NOSIP: variants seen among roughly 807,000 people sequenced by gnomAD.
The protein encoded by NOSIP is nitric oxide synthase-interacting protein.
A neutral mutation model predicts 36.4 loss-of-function variants in NOSIP; 25 were observed. The ratio of observed to expected loss-of-function variants is 0.69; its 90% CI spans 0.50 to 0.96. The LOEUF (loss-of-function observed/expected upper bound fraction) is 0.96, where lower values mean the gene tolerates loss of function less well. Among genes scored for constraint, NOSIP ranks in the 40% least tolerant of loss-of-function variants. The pLI is 0.00. For missense variants in NOSIP, 370 were observed against 429.0 expected (o/e 0.86, Z 1.21); for synonymous variants, 187 against 179.2 (o/e 1.04, Z -0.35).
chr19:49,579,361 CAAA>C (rs1440485634), intron 1 of NOSIP: 2 of 152,068 alleles, frequency 1.3e-5, no homozygotes, highest in African/African-American at 2.4e-5. Context: ...CAGACCAAAC[CAAA>C]ATGGAGACAC....
At chr19:49,577,148 T>C (rs77124124) in intron 1 of NOSIP, among the ~76,000 whole-genome samples, 4,159 of 152,248 alleles carry the variant, frequency 0.027, 200 homozygotes, top group African/African-American at 0.094. Context: ...GGAACCCTTA[T>C]ACATTGGTGG....
chr19:49,561,132 A>G (rs1303245125), intron 1 of NOSIP, among the ~76,000 whole-genome samples: 1 of 152,202 alleles, frequency 6.6e-6, no homozygotes, highest in Non-Finnish European at 1.5e-5. Flanking sequence ...GGACCAGCCC[A>G]GTGATTGGCT....
At chr19:49,559,564 T>C (rs2122793379) in intron 3 of NOSIP, 1 of 208,160 alleles carries the variant, frequency 4.8e-6, no homozygotes, top group South Asian at 7.3e-5. Context: ...CATTAATTAC[T>C]GTCTTCTACA....
chr19:49,576,127 T>C (rs918171036), intron 1 of NOSIP, among the ~76,000 whole-genome samples: 2 of 149,774 alleles, frequency 1.3e-5, no homozygotes, highest in Non-Finnish European at 2.9e-5. Flanking sequence ...AGAGCGAGAC[T>C]CCATCTTATA....
intron 4 of NOSIP, chr19:49,557,451 C>T: frequency 1.4e-6 from 2 of 1,416,104 alleles, no homozygotes; most frequent in Non-Finnish European, 1.8e-6. Context: ...AAGCCCATCT[C>T]TGTCACTCTG....
chr19:49,575,206 C>G (rs1188557697), intron 1 of NOSIP, among the ~76,000 whole-genome samples: 1 of 152,096 alleles, frequency 6.6e-6, no homozygotes, highest in East Asian at 1.9e-4. Flanking sequence ...ACCATGTTGG[C>G]CAGGCTGGTC....
intron 1 of NOSIP, among the ~76,000 whole-genome samples, chr19:49,564,686 G>A (rs947067513): frequency 2.0e-5 from 3 of 152,068 alleles, no homozygotes; most frequent in East Asian, 1.9e-4. Context: ...CGTCTCCCAC[G>A]TATACACCTA....
intron 1 of NOSIP, among the ~76,000 whole-genome samples, chr19:49,572,188 C>T (rs368191756): frequency 1.6e-4 from 24 of 150,034 alleles, no homozygotes; most frequent in African/African-American, 5.1e-4. Flanking sequence ...TCACTGCAAC[C>T]TTCACCTCCC....
intron 3 of NOSIP, chr19:49,559,283 T>C (rs1469233809): frequency 6.3e-6 from 2 of 318,394 alleles, no homozygotes; most frequent in Non-Finnish European, 1.2e-5. Flanking sequence ...TCAGCAACAA[T>C]GTGTGCCACA....
At chr19:49,574,013 C>G (rs1359535923) in intron 1 of NOSIP, among the ~76,000 whole-genome samples, 2 of 152,070 alleles carry the variant, frequency 1.3e-5, no homozygotes, top group African/African-American at 2.4e-5. Flanking sequence ...GCACACACCA[C>G]CATGCCTAGA....
intron 1 of NOSIP, among the ~76,000 whole-genome samples, chr19:49,572,996 C>T (rs1311536696): frequency 6.7e-6 from 1 of 150,314 alleles, no homozygotes; most frequent in Non-Finnish European, 1.5e-5. Flanking sequence ...AAAAAAAAGC[C>T]CGGCTCTGAA....
intron 1 of NOSIP, among the ~76,000 whole-genome samples, chr19:49,570,132 G>C (rs2080466210): frequency 6.6e-6 from 1 of 151,876 alleles, no homozygotes; most frequent in Non-Finnish European, 1.5e-5. Flanking sequence ...AAAATATAAA[G>C]AACTCTTGCA....
rs1275538743 is a variant in NOSIP at position 49,560,010 on chromosome 19, G to A, written c.100C>T (p.Arg34Ter). The change falls in exon 3 of 9, where the codon CGA (arginine) becomes TGA (stop). Residue 34 changes from arginine (R) to a stop codon, truncating the protein, a stop_gained. Coordinates refer to ENST00000596358, the MANE Select transcript of NOSIP (RefSeq NM_001270960.2). LOFTEE classifies it high-confidence loss of function. This position sits in a 1 kb window ranked among gnomAD's most constrained non-coding sequence, Gnocchi z 4.6. ...TCCTTCACGGCATCCCGGCTCAGTC[G>A]AATGTTCTGGGTCCCATAGCCCGAG... is the stretch of plus-strand genomic sequence containing the variant. ...AASGYGTQNI[R>*]LSRDAVKDFD... 6 of 1,613,820 alleles carry A rather than the reference G, an allele frequency of 3.7e-6. No homozygotes were observed. The highest frequency in any genetic ancestry group is 2.2e-5 in the East Asian group (1 of 44,876).
At chr19:49,561,455 C>T (rs564720030) in intron 1 of NOSIP, among the ~76,000 whole-genome samples, 20 of 152,316 alleles carry the variant, frequency 1.3e-4, no homozygotes, top group African/African-American at 3.4e-4. Context: ...CCATGTCCTG[C>T]GGTCCAGCAG....
At chr19:49,569,797 A>AGACTTT (rs1246767764) in intron 1 of NOSIP, among the ~76,000 whole-genome samples, 5 of 147,256 alleles carry the variant, frequency 3.4e-5, no homozygotes, top group African/African-American at 1.3e-4. Context: ...GACAAGAGTG[A>AGACTTT]GACTTTGTCT....
chr19:49,567,678 T>C (rs2080429245), intron 1 of NOSIP, among the ~76,000 whole-genome samples: 1 of 152,030 alleles, frequency 6.6e-6, no homozygotes, highest in Admixed American at 6.6e-5. Flanking sequence ...ATTTTTATTT[T>C]ATTTATTTTG....
intron 1 of NOSIP, among the ~76,000 whole-genome samples, chr19:49,570,667 CT>C (rs942231118): frequency 5.3e-5 from 8 of 152,140 alleles, no homozygotes; most frequent in African/African-American, 1.9e-4. Context: ...CGACTTCCCC[CT>C]GACCCCCAAG....
intron 1 of NOSIP, among the ~76,000 whole-genome samples, chr19:49,565,091 C>T (rs1461039446): frequency 2.1e-4 from 32 of 152,048 alleles, no homozygotes; most frequent in Admixed American, 2.1e-3. Flanking sequence ...GCCTGAGCAA[C>T]ATAGCAAAAC....
In NOSIP at chr19:49,560,090, T is replaced by A. The variant is rs747310901; in HGVS notation, c.71-51A>T. The A allele has an allele frequency of 1.6e-6, 2 of 1,251,148 alleles. No homozygotes were observed. Among genetic ancestry groups the A allele is most frequent in the East Asian group, 2.4e-5 (1 of 41,778 alleles). The allele number at this position is 1,251,148 out of a possible 1,614,324, so 77.5% of individuals were successfully genotyped here. ...TGGAGGGGCGGAGCAACAGGAGACA[T>A]GTCCGTCTCCAAAGCCCCAGAGAGA... On this transcript the variant is annotated intron_variant, in intron 2 of 8. Transcript: ENST00000596358. This position sits in a 1 kb window ranked among gnomAD's most constrained non-coding sequence, Gnocchi z 4.6.
Sources: allele counts gnomAD v4.1 joint callset (sites outside exome capture counted in the v4.1 genomes callset), GRCh38; gene constraint gnomAD v4.1.1; non-coding constraint Gnocchi (gnomAD v3.1); transcripts MANE v1.5; gene names NCBI Gene and HGNC (gene_info 2026-07-23, HGNC 2026-07-21).